Variants in CTNNA3 observed in about 807,000 individuals in gnomAD.
CTNNA3 encodes catenin alpha 3, also known as catenin alpha-3.
Under a neutral mutation model 95.7 loss-of-function variants are expected in CTNNA3, and 76 were observed. The ratio of observed to expected loss-of-function variants is 0.79; its 90% CI spans 0.66 to 0.96. The LOEUF (loss-of-function observed/expected upper bound fraction) is 0.96, where lower values mean the gene tolerates loss of function less well. CTNNA3 is among the 40% of genes least tolerant of loss of function. CTNNA3 has a pLI of 0.00. For missense variants in CTNNA3, 1,191 were observed against 1,089.8 expected (o/e 1.09, Z -1.31); for synonymous variants, 431 against 374.4 (o/e 1.15, Z -1.74).
chr10:66,046,185 G>T (rs893882777), intron 15 of CTNNA3, among the ~76,000 whole-genome samples: 3 of 152,134 alleles, frequency 2.0e-5, no homozygotes, highest in Admixed American at 2.0e-4. Flanking sequence ...CCCCCACCCA[G>T]AGAAGTGGTG....
Position 66,492,432 on chromosome 10 carries a change from C to T in CTNNA3, c.1531+28185G>A, listed in dbSNP as rs138508998. On this transcript the variant is annotated intron_variant, in intron 11 of 17. Coordinates refer to ENST00000433211, the MANE Select transcript of CTNNA3 (RefSeq NM_013266.4). ...CTGAGTAGCTGGGACTACAGGCGCA[C>T]GCCACAAGGCCCAGCTAATTTTTTT... is the stretch of plus-strand genomic sequence containing the variant. 6.1e-3 allele frequency among the ~76,000 whole-genome samples: 910 copies of T among 148,668 alleles called. 9 individuals are homozygous for T. The highest frequency in any genetic ancestry group is 0.021 in the African/African-American group (860 of 40,230).
chr10:66,870,934 T>C (rs1021405665), intron 7 of CTNNA3, among the ~76,000 whole-genome samples: 1 of 152,166 alleles, frequency 6.6e-6, no homozygotes, highest in African/African-American at 2.4e-5. Flanking sequence ...AAAACCACTA[T>C]GCAAAAGTTC....
intron 11 of CTNNA3, among the ~76,000 whole-genome samples, chr10:66,445,341 C>G (rs1260897311): frequency 6.6e-6 from 1 of 152,078 alleles, no homozygotes; most frequent in East Asian, 1.9e-4. Context: ...ATCTACAGAA[C>G]TCTCCACCCC....
In CTNNA3 at chr10:65,959,188, G is replaced by A. The variant is rs542336600; in HGVS notation, c.2400+7424C>T. 5.3e-4 allele frequency among the ~76,000 whole-genome samples: 80 copies of A among 152,268 alleles called. No individual in the cohort carries two copies. In the South Asian group the frequency reaches 0.012, roughly 24 times the overall value. ...AGGCTCTGTGGGAGTGGGACCCTCC[G>A]AGCCAGGTGTGGGATATAATCTCCT... On this transcript the variant is annotated intron_variant, in intron 17 of 17. Coordinates refer to ENST00000433211, the MANE Select transcript of CTNNA3 (RefSeq NM_013266.4).
chr10:66,326,794 G>A (rs761221900), intron 12 of CTNNA3, among the ~76,000 whole-genome samples: 12 of 151,852 alleles, frequency 7.9e-5, no homozygotes, highest in Non-Finnish European at 1.6e-4. Context: ...TCCTCTTTGG[G>A]GGGTAACAAA....
intron 15 of CTNNA3, among the ~76,000 whole-genome samples, chr10:66,007,812 T>G (rs2078927702): frequency 7.9e-6 from 1 of 126,172 alleles, no homozygotes; most frequent in African/African-American, 2.9e-5. Flanking sequence ...CCTCCCTCGC[T>G]CCCTCCCTTT....
intron 5 of CTNNA3, among the ~76,000 whole-genome samples, chr10:67,369,396 A>T (rs761431053): frequency 2.0e-5 from 3 of 152,166 alleles, no homozygotes; most frequent in Non-Finnish European, 4.4e-5. Context: ...TTCTAAATAG[A>T]TCAAAGATTT....
chr10:66,919,134 TA>T (rs5785804), intron 7 of CTNNA3, among the ~76,000 whole-genome samples: 43,614 of 111,722 alleles, frequency 0.39, 7,935 homozygotes, highest in Non-Finnish European at 0.44. Flanking sequence ...GACTCTGTCT[TA>T]AAAAAAAAAA....
intron 15 of CTNNA3, among the ~76,000 whole-genome samples, chr10:66,032,478 T>G (rs1314624511): frequency 6.6e-6 from 1 of 152,182 alleles, no homozygotes; most frequent in African/African-American, 2.4e-5. Context: ...TGCAGATTTT[T>G]TTTTCCACAG....
chr10:66,553,651 C>T (rs993983815), intron 10 of CTNNA3, among the ~76,000 whole-genome samples: 2 of 150,046 alleles, frequency 1.3e-5, no homozygotes, highest in African/African-American at 4.9e-5. Flanking sequence ...CTTCAGCCTC[C>T]CGAGTACCTG....
chr10:66,084,917 G>A (rs961672461), intron 14 of CTNNA3: 3 of 152,020 alleles, frequency 2.0e-5, no homozygotes, highest in Non-Finnish European at 2.9e-5. Context: ...AGAACACTAG[G>A]ACACTAATTA....
chr10:67,637,503 A>T (rs1175965440), intron 2 of CTNNA3, among the ~76,000 whole-genome samples: 3 of 152,224 alleles, frequency 2.0e-5, no homozygotes, highest in East Asian at 3.8e-4. Flanking sequence ...AAATTCAGGA[A>T]ATACAGAGAA....
intron 5 of CTNNA3, among the ~76,000 whole-genome samples, chr10:67,312,895 T>C (rs751095969): frequency 2.0e-5 from 3 of 152,212 alleles, no homozygotes; most frequent in Admixed American, 6.5e-5. Flanking sequence ...TTATGAAGTA[T>C]GTCACAAGTA....
At chr10:67,424,230 C>T (rs2132876001) in intron 5 of CTNNA3, among the ~76,000 whole-genome samples, 1 of 152,218 alleles carries the variant, frequency 6.6e-6, no homozygotes, top group Non-Finnish European at 1.5e-5. Context: ...TATCACCAAG[C>T]TTTCAACCCC....
intron 7 of CTNNA3, among the ~76,000 whole-genome samples, chr10:67,023,145 C>G (rs1853138206): frequency 6.6e-6 from 1 of 151,904 alleles, no homozygotes; most frequent in Non-Finnish European, 1.5e-5. Flanking sequence ...CAAGTAGATT[C>G]TAATATTTAT....
intron 3 of CTNNA3, among the ~76,000 whole-genome samples, chr10:67,585,055 A>T (rs1265087603): frequency 2.0e-5 from 3 of 152,002 alleles, no homozygotes; most frequent in African/African-American, 7.2e-5. Context: ...CTCACACTCC[A>T]TGGGCTGCAC....
intron 8 of CTNNA3, among the ~76,000 whole-genome samples, chr10:66,771,408 A>AACTTT (rs1840081484): frequency 6.6e-6 from 1 of 152,200 alleles, no homozygotes; most frequent in African/African-American, 2.4e-5. Flanking sequence ...CAATAGGTAT[A>AACTTT]CAGTTTTCAA....
At chr10:66,677,919 C>G (rs1348068992) in intron 9 of CTNNA3, among the ~76,000 whole-genome samples, 1 of 149,898 alleles carries the variant, frequency 6.7e-6, no homozygotes, top group African/African-American at 2.5e-5. Context: ...TGAGTAACAA[C>G]TATTCTAAGG....
intron 15 of CTNNA3, among the ~76,000 whole-genome samples, chr10:65,998,562 A>G (rs982531814): frequency 1.4e-4 from 21 of 152,190 alleles, no homozygotes; most frequent in Non-Finnish European, 2.5e-4. Context: ...ACAGCTCACT[A>G]AAGCAATTGT....
Sources: gnomAD v4.1 joint callset for allele counts (sites outside exome capture counted in the v4.1 genomes callset) on GRCh38, gnomAD v4.1.1 for gene constraint, MANE v1.5 for transcripts, NCBI Gene and HGNC (gene_info 2026-07-23, HGNC 2026-07-21) for gene names.